Variants in PPP6R2 observed in about 807,000 individuals in gnomAD.
The protein encoded by PPP6R2 is serine/threonine-protein phosphatase 6 regulatory subunit 2.
A neutral mutation model predicts 100.2 loss-of-function variants in PPP6R2; 62 were observed. The observed-to-expected ratio is 0.62, with a 90% CI of 0.50 to 0.76. The LOEUF (loss-of-function observed/expected upper bound fraction) is 0.76, where lower values mean the gene tolerates loss of function less well. Ranked by LOEUF, PPP6R2 falls within the 30% of genes least tolerant of loss-of-function variation. The probability of loss-of-function intolerance (pLI) is 0.00; values close to 1 mark genes in which losing one functional copy is unlikely to be tolerated. For synonymous variants in PPP6R2, 525 were observed against 514.7 expected (o/e 1.02, Z -0.27); for missense variants, 1,142 against 1,276.3 (o/e 0.89, Z 1.60).
At chr22:50,339,746 TATGTG>T (rs2042348417), upstream of PPP6R2, among the ~76,000 whole-genome samples, 2 of 115,548 alleles carry the variant, frequency 1.7e-5, no homozygotes, top group African/African-American at 7.9e-5. Flanking sequence ...TGGTATATAG[TATGTG>T]GTGGTGTGTG....
At chr22:50,343,033 ATTG>A (rs2042583665), upstream of PPP6R2, among the ~76,000 whole-genome samples, 1 of 152,194 alleles carries the variant, frequency 6.6e-6, no homozygotes, top group African/African-American at 2.4e-5. Context: ...CCACGCGAGG[ATTG>A]TTTTGTGGCT....
intron 1 of PPP6R2, among the ~76,000 whole-genome samples, chr22:50,359,150 C>G (rs2047253481): frequency 6.6e-6 from 1 of 151,898 alleles, no homozygotes; most frequent in African/African-American, 2.4e-5. Context: ...TGGGCACCAG[C>G]CACCACGCCC....
rs1428531176 is a variant in PPP6R2, at chr22:50,423,915, C to T, written c.1125+301C>T. Reference sequence around the variant, plus strand: ...AGAGTGACACGTCTACCTCCTTTCTCATGTTCTGACTGAACAACATAGAAC... The same window carrying T: ...AGAGTGACACGTCTACCTCCTTTCTTATGTTCTGACTGAACAACATAGAAC... On this transcript the variant is annotated intron_variant, in intron 10 of 23. Transcript: ENST00000612753. This position sits in a 1 kb window ranked among gnomAD's most constrained non-coding sequence, Gnocchi z 4.8. Among the ~76,000 whole-genome samples, 1 of 152,250 alleles carries T rather than the reference C, an allele frequency of 6.6e-6. No homozygotes were observed. The highest frequency in any genetic ancestry group is 1.5e-5 in the Non-Finnish European group (1 of 68,050).
intron 1 of PPP6R2, among the ~76,000 whole-genome samples, chr22:50,356,232 G>A (rs1213963620): frequency 6.6e-6 from 1 of 151,962 alleles, no homozygotes; most frequent in Non-Finnish European, 1.5e-5. Flanking sequence ...CCAAAATGCT[G>A]GGATTACAGG....
chr22:50,380,601 CA>C (rs2052671434), intron 2 of PPP6R2, among the ~76,000 whole-genome samples: 1 of 151,454 alleles, frequency 6.6e-6, no homozygotes, highest in South Asian at 2.1e-4. Context: ...CCTCGTGATC[CA>C]ACCACTTTTG....
chr22:50,416,173 A>T lies in PPP6R2; in HGVS notation c.618+16A>T. On this transcript the variant is annotated intron_variant, in intron 6 of 23. Coordinates refer to ENST00000612753, the MANE Select transcript of PPP6R2 (RefSeq NM_001242898.2). ...GGATGAAGATGTGAGTGTGCTGCTTACCGAGCTTCGTGCATCAGTCCAGGC... is the reference window on the plus strand; with the variant it reads ...GGATGAAGATGTGAGTGTGCTGCTTTCCGAGCTTCGTGCATCAGTCCAGGC... 4.3e-6 allele frequency: 7 copies of T among 1,610,202 alleles called. No individual in the cohort carries two copies. The highest frequency in any genetic ancestry group is 5.9e-6 in the Non-Finnish European group (7 of 1,176,854).
At chr22:50,357,465 C>T (rs2046850349) in intron 1 of PPP6R2, among the ~76,000 whole-genome samples, 1 of 151,066 alleles carries the variant, frequency 6.6e-6, no homozygotes, top group African/African-American at 2.4e-5. Flanking sequence ...TACCTCCCTT[C>T]CTTCCTTTCC....
intron 12 of PPP6R2, 27 bp from the exon 13 acceptor site, chr22:50,434,939 C>T (rs775330108): frequency 1.4e-4 from 229 of 1,581,380 alleles, no homozygotes; most frequent in Non-Finnish European, 1.9e-4. Context: ...GCCAGGAGGC[C>T]GCCCCGATGG....
At chr22:50,419,222 G>A (rs569300353) in intron 7 of PPP6R2, 127 bp from the exon 8 acceptor site, 24 of 852,630 alleles carry the variant, frequency 2.8e-5, no homozygotes, top group East Asian at 2.4e-4. Flanking sequence ...GAACCCTGGC[G>A]CCTTGCCTTG....
At chr22:50,396,575 A>G (rs2056938836) in intron 3 of PPP6R2, among the ~76,000 whole-genome samples, 1 of 152,182 alleles carries the variant, frequency 6.6e-6, no homozygotes, top group South Asian at 2.1e-4. Context: ...AGTATCCACC[A>G]ATAAAGTCTT....
At chr22:50,417,480 G>T (rs973054545) in intron 6 of PPP6R2, among the ~76,000 whole-genome samples, 18 of 152,148 alleles carry the variant, frequency 1.2e-4, no homozygotes, top group Non-Finnish European at 2.1e-4. Context: ...TGAGAGTTTG[G>T]GGTATATCCC....
intron 1 of PPP6R2, among the ~76,000 whole-genome samples, chr22:50,363,773 T>C (rs1307352680): frequency 6.6e-6 from 1 of 152,218 alleles, no homozygotes; most frequent in Non-Finnish European, 1.5e-5. Flanking sequence ...CTCTGCTGTT[T>C]CCTCATCAAT....
At chr22:50,434,835 G>T in intron 12 of PPP6R2, 131 bp from the exon 13 acceptor site, 1 of 708,774 alleles carries the variant, frequency 1.4e-6, no homozygotes, top group South Asian at 1.8e-5. Context: ...CCGGGGGCGC[G>T]GACACTGGGC....
chr22:50,340,450 TGTG>T (rs1213695039), upstream of PPP6R2, among the ~76,000 whole-genome samples: 3 of 123,770 alleles, frequency 2.4e-5, no homozygotes, highest in South Asian at 5.4e-4. Context: ...TGGTATGTGG[TGTG>T]TGTGTGGTAT....
intron 1 of PPP6R2, among the ~76,000 whole-genome samples, chr22:50,348,958 G>C (rs1475301315): frequency 2.6e-5 from 4 of 152,054 alleles, no homozygotes; most frequent in African/African-American, 9.7e-5. Flanking sequence ...TTGGGATGCT[G>C]AGGCGGGCGG....
intron 3 of PPP6R2, among the ~76,000 whole-genome samples, chr22:50,396,602 C>G (rs1176802998): frequency 6.6e-6 from 1 of 152,182 alleles, no homozygotes; most frequent in Non-Finnish European, 1.5e-5. Context: ...CACAGCCACA[C>G]TCATCCACGT....
chr22:50,435,633 G>A (rs1035798549), intron 13 of PPP6R2, among the ~76,000 whole-genome samples: 5 of 152,200 alleles, frequency 3.3e-5, no homozygotes, highest in South Asian at 2.1e-4. Flanking sequence ...TGTAAGGTGA[G>A]GAAGCTCTGG....
intron 3 of PPP6R2, 61 bp from the exon 4 acceptor site, chr22:50,406,628 A>G (rs933835714): frequency 2.7e-6 from 4 of 1,481,032 alleles, no homozygotes; most frequent in East Asian, 2.3e-5. Context: ...CTATGTAAGC[A>G]GCTTCCTAAG....
chr22:50,338,300 TGTG>T, the PPP6R2 span, among the ~76,000 whole-genome samples: 4 of 147,218 alleles, frequency 2.7e-5, no homozygotes, highest in Admixed American at 2.7e-4. Context: ...GTGTGTAGTG[TGTG>T]GTGTGTGTGT....
Sources: gnomAD v4.1 joint callset for allele counts (sites outside exome capture counted in the v4.1 genomes callset) on GRCh38, gnomAD v4.1.1 for gene constraint, Gnocchi (gnomAD v3.1) non-coding constraint, MANE v1.5 for transcripts, NCBI Gene and HGNC (gene_info 2026-07-23, HGNC 2026-07-21) for gene names.